AK5: variants seen among roughly 807,000 people sequenced by gnomAD.
The protein encoded by AK5 is adenylate kinase isoenzyme 5.
In AK5, 27 loss-of-function variants were observed where a neutral mutation model predicts 69.5. The ratio of observed to expected loss-of-function variants is 0.39; its 90% CI spans 0.29 to 0.54. AK5 has a LOEUF of 0.54. Ranked by LOEUF, AK5 falls within the 20% of genes least tolerant of loss-of-function variation. The pLI, the probability that AK5 is intolerant of heterozygous loss-of-function variation, is 0.71. For missense variants in AK5, 531 were observed against 700.4 expected (o/e 0.76, Z 2.73); for synonymous variants, 260 against 244.4 (o/e 1.06, Z -0.60).
intron 5 of AK5, among the ~76,000 whole-genome samples, chr1:77,335,409 T>C (rs1441415591): frequency 6.6e-6 from 1 of 151,736 alleles, no homozygotes; most frequent in Non-Finnish European, 1.5e-5. Context: ...TGTAACTTAT[T>C]TATTCACTCA....
chr1:77,283,133 T>TG (rs1298779917), intron 1 of AK5: 240 of 985,642 alleles, frequency 2.4e-4, no homozygotes, highest in Non-Finnish European at 2.8e-4. Flanking sequence ...GACCCGGGAA[T>TG]GGGGGGACAC....
intron 10 of AK5, among the ~76,000 whole-genome samples, chr1:77,506,247 GGTTGGTT>G (rs1435970075): frequency 3.3e-5 from 5 of 151,604 alleles, no homozygotes; most frequent in African/African-American, 1.2e-4. Flanking sequence ...TTGGTTGGTT[GGTTGGTT>G]GTTTTTTTTC....
intron 6 of AK5, among the ~76,000 whole-genome samples, chr1:77,384,468 A>T (rs1647864742): frequency 6.6e-6 from 1 of 152,192 alleles, no homozygotes; most frequent in Non-Finnish European, 1.5e-5. Flanking sequence ...CTACAGGTGG[A>T]CATTACTGAC....
At chr1:77,358,018 TGAGAGA>T (rs1553138076) in intron 6 of AK5, among the ~76,000 whole-genome samples, 56 of 128,272 alleles carry the variant, frequency 4.4e-4, no homozygotes, top group African/African-American at 1.5e-3. Flanking sequence ...TGTGTGTGTG[TGAGAGA>T]GAGAGAGAGA....
intron 8 of AK5, among the ~76,000 whole-genome samples, chr1:77,466,569 G>A (rs2100686618): frequency 6.6e-6 from 1 of 152,272 alleles, no homozygotes; most frequent in South Asian, 2.1e-4. Flanking sequence ...CCCAAACCTA[G>A]TGACTTAGCC....
chr1:77,483,496 A>T, intron 9 of AK5, 137 bp downstream of exon 9: 1 of 728,742 alleles, frequency 1.4e-6, no homozygotes, highest in Non-Finnish European at 2.4e-6. Context: ...GATTAAGAGT[A>T]GAACTCTTTG....
chr1:77,509,038 G>A (rs760096073), intron 10 of AK5, among the ~76,000 whole-genome samples: 1 of 152,142 alleles, frequency 6.6e-6, no homozygotes, highest in Non-Finnish European at 1.5e-5. Context: ...CACCCAAAGA[G>A]GCAAAGTGAC....
chr1:77,293,754 G>C, intron 2 of AK5, 39 bp from the exon 3 acceptor site: 1 of 1,523,396 alleles, frequency 6.6e-7, no homozygotes. Context: ...TTTTATTATG[G>C]TGTTTTTTCC....
At chr1:77,409,110 TG>T (rs1649860484) in intron 6 of AK5, among the ~76,000 whole-genome samples, 1 of 152,264 alleles carries the variant, frequency 6.6e-6, no homozygotes, top group Admixed American at 6.5e-5. Flanking sequence ...TTTTTATGGC[TG>T]CATAGTATTC....
intron 13 of AK5, among the ~76,000 whole-genome samples, chr1:77,544,766 CAGTT>C (rs1184150368): frequency 6.6e-6 from 1 of 152,118 alleles, no homozygotes; most frequent in Non-Finnish European, 1.5e-5. Context: ...GGCTGTTTGA[CAGTT>C]AGCTCTTTTT....
intron 6 of AK5, among the ~76,000 whole-genome samples, chr1:77,385,835 T>C (rs187623795): frequency 1.3e-5 from 2 of 152,202 alleles, no homozygotes; most frequent in Admixed American, 1.3e-4. Context: ...TATTTAGAGA[T>C]CACAACCATA....
intron 6 of AK5, among the ~76,000 whole-genome samples, chr1:77,403,798 A>G (rs111807615): frequency 5.1e-4 from 78 of 152,282 alleles, no homozygotes; most frequent in Non-Finnish European, 1.0e-3. Flanking sequence ...TTGATTCCAT[A>G]TGAACTTTAA....
At chr1:77,450,066 G>A (rs537681879) in intron 8 of AK5, among the ~76,000 whole-genome samples, 17 of 152,194 alleles carry the variant, frequency 1.1e-4, no homozygotes, top group African/African-American at 4.1e-4. Context: ...CTAGGGCAGG[G>A]GCAAAATGCT....
At chr1:77,369,776 A>G (rs1326544649) in intron 6 of AK5, among the ~76,000 whole-genome samples, 16 of 152,230 alleles carry the variant, frequency 1.1e-4, no homozygotes, top group Non-Finnish European at 2.1e-4. Flanking sequence ...ATTGCTTTCT[A>G]AAGGTAGGAA....
intron 10 of AK5, among the ~76,000 whole-genome samples, chr1:77,493,339 G>A (rs1294172428): frequency 6.6e-6 from 1 of 151,578 alleles, no homozygotes; most frequent in Non-Finnish European, 1.5e-5. Flanking sequence ...CCCCCCCCAG[G>A]TTCTCAGGCC....
intron 6 of AK5, among the ~76,000 whole-genome samples, chr1:77,377,629 T>C (rs949642123): frequency 1.3e-5 from 2 of 152,206 alleles, no homozygotes; most frequent in African/African-American, 4.8e-5. Flanking sequence ...CTGCTTAAAA[T>C]CCTTTAGTGC....
At chr1:77,500,795 A>G (rs1028699153) in intron 10 of AK5, among the ~76,000 whole-genome samples, 1 of 152,146 alleles carries the variant, frequency 6.6e-6, no homozygotes, top group African/African-American at 2.4e-5. Flanking sequence ...AACAACAACA[A>G]CAGCAACAAA....
intron 5 of AK5, among the ~76,000 whole-genome samples, chr1:77,323,979 C>G (rs1660659268): frequency 6.6e-6 from 1 of 152,180 alleles, no homozygotes; most frequent in Non-Finnish European, 1.5e-5. Context: ...TGCTCTGGCT[C>G]CCTGCTGGAG....
chr1:77,496,405 C>T (rs1001901115), intron 10 of AK5, among the ~76,000 whole-genome samples: 6 of 152,194 alleles, frequency 3.9e-5, no homozygotes, highest in African/African-American at 1.4e-4. Context: ...CTCAGTGACA[C>T]ATCATCAGCT....
Sources: allele counts gnomAD v4.1 joint callset (sites outside exome capture counted in the v4.1 genomes callset), GRCh38; gene constraint gnomAD v4.1.1; transcripts MANE v1.5; gene names NCBI Gene and HGNC (gene_info 2026-07-23, HGNC 2026-07-21).